TMEFF2: variants seen among roughly 807,000 people sequenced by gnomAD.
TMEFF2 encodes transmembrane protein with EGF like and two follistatin like domains 2.
Under a neutral mutation model 53.8 loss-of-function variants are expected in TMEFF2, and 28 were observed. The observed-to-expected ratio is 0.52, with a 90% CI of 0.39 to 0.71. TMEFF2 has a LOEUF of 0.71. TMEFF2 is among the 30% of genes least tolerant of loss of function. TMEFF2 has a pLI of 0.00. For synonymous variants in TMEFF2, 162 were observed against 166.3 expected (o/e 0.97, Z 0.20); for missense variants, 353 against 455.2 (o/e 0.78, Z 2.04).
At chr2:192,053,518 T>G (rs1687823821) in intron 5 of TMEFF2, among the ~76,000 whole-genome samples, 1 of 152,244 alleles carries the variant, frequency 6.6e-6, no homozygotes, top group Non-Finnish European at 1.5e-5. Context: ...GAACATTATT[T>G]CACGTCAGCA....
At chr2:192,025,276 G>A (rs1364490592) in intron 5 of TMEFF2, among the ~76,000 whole-genome samples, 1 of 152,020 alleles carries the variant, frequency 6.6e-6, no homozygotes, top group Non-Finnish European at 1.5e-5. Context: ...ATTATTGATC[G>A]GGGATGATGA....
intron 4 of TMEFF2, among the ~76,000 whole-genome samples, chr2:192,068,747 C>G (rs758367379): frequency 2.6e-5 from 4 of 151,782 alleles, no homozygotes; most frequent in Non-Finnish European, 5.9e-5. Context: ...CCATCTAAGT[C>G]TAACTTCTAA....
intron 5 of TMEFF2, among the ~76,000 whole-genome samples, chr2:192,015,308 CTT>C (rs34696715): frequency 8.8e-4 from 67 of 76,262 alleles, no homozygotes; most frequent in African/African-American, 3.5e-3. Context: ...ATCACTGAAG[CTT>C]TTTTTTTTTT....
At chr2:192,144,827 A>G (rs1445099314) in intron 4 of TMEFF2, among the ~76,000 whole-genome samples, 1 of 152,016 alleles carries the variant, frequency 6.6e-6, no homozygotes, top group Non-Finnish European at 1.5e-5. Context: ...TAGTGGGATC[A>G]TATCTAACTT....
rs1335905510 is a variant in TMEFF2, at chr2:192,057,793, A to G, written c.440-18T>C. On this transcript the variant is annotated intron_variant, in intron 4 of 9. Coordinates refer to ENST00000272771, the MANE Select transcript of TMEFF2 (RefSeq NM_016192.4). The stretch of plus-strand genomic sequence containing the variant: ...TTCATGGACTGTAGGACAGAAAAAC[A>G]GTAAAAGGAATTCAGGTAATTGTGC... 1 of 1,587,980 alleles carries G rather than the reference A, an allele frequency of 6.3e-7. No individual in the cohort carries two copies. The highest frequency in any genetic ancestry group is 8.6e-7 in the Non-Finnish European group (1 of 1,156,488).
At chr2:191,966,777 G>T (rs1460824128) in intron 7 of TMEFF2, among the ~76,000 whole-genome samples, 3 of 152,104 alleles carry the variant, frequency 2.0e-5, no homozygotes, top group African/African-American at 7.2e-5. Context: ...TATGGTAATA[G>T]ATGCTAAACA....
chr2:192,117,318 C>T (rs80230141), intron 4 of TMEFF2, among the ~76,000 whole-genome samples: 9,651 of 152,078 alleles, frequency 0.063, 870 homozygotes, highest in East Asian at 0.47. Context: ...TATTTAATAT[C>T]ATACTGGTAT....
At chr2:191,971,087 C>T (rs754141954) in intron 7 of TMEFF2, among the ~76,000 whole-genome samples, 6 of 152,074 alleles carry the variant, frequency 3.9e-5, no homozygotes, top group African/African-American at 7.2e-5. Context: ...AATTTCTAGT[C>T]AGTGATAACT....
At chr2:192,099,781 G>A (rs1253603023) in intron 4 of TMEFF2, among the ~76,000 whole-genome samples, 3 of 148,760 alleles carry the variant, frequency 2.0e-5, no homozygotes, top group Non-Finnish European at 4.4e-5. Flanking sequence ...TGATGGGATT[G>A]CTTTTTTTTT....
At chr2:192,156,506 A>C (rs2106006204) in intron 4 of TMEFF2, among the ~76,000 whole-genome samples, 3 of 151,478 alleles carry the variant, frequency 2.0e-5, no homozygotes, top group Middle Eastern at 6.8e-3. Context: ...TACAACAACC[A>C]CTCCACAATG....
intron 4 of TMEFF2, among the ~76,000 whole-genome samples, chr2:192,176,576 G>GT (rs1226944228): frequency 2.0e-5 from 3 of 151,288 alleles, no homozygotes; most frequent in Non-Finnish European, 4.4e-5. Flanking sequence ...TCTCAATACA[G>GT]TTAACTGTTT....
At chr2:192,030,698 C>G (rs1192414072) in intron 5 of TMEFF2, 1 of 151,958 alleles carries the variant, frequency 6.6e-6, no homozygotes, top group Non-Finnish European at 1.5e-5. Context: ...TTAAGATAGT[C>G]AAGTTAAAGG....
intron 4 of TMEFF2, among the ~76,000 whole-genome samples, chr2:192,096,825 C>T (rs568672664): frequency 6.6e-6 from 1 of 151,660 alleles, no homozygotes; most frequent in Admixed American, 6.6e-5. Context: ...TACAGGCATC[C>T]ACCACCAGGC....
At chr2:191,959,160 T>C (rs1692194246) in intron 7 of TMEFF2, among the ~76,000 whole-genome samples, 1 of 152,208 alleles carries the variant, frequency 6.6e-6, no homozygotes, top group Admixed American at 6.5e-5. Context: ...GACATTGATT[T>C]CTCTGTCCTC....
At chr2:192,119,101 T>C (rs1689484668) in intron 4 of TMEFF2, among the ~76,000 whole-genome samples, 1 of 152,184 alleles carries the variant, frequency 6.6e-6, no homozygotes, top group Non-Finnish European at 1.5e-5. Context: ...AATGAATAAA[T>C]ATTTTAGGCT....
chr2:192,005,343 C>G (rs1032130668), intron 5 of TMEFF2, among the ~76,000 whole-genome samples: 3 of 152,184 alleles, frequency 2.0e-5, no homozygotes, highest in Non-Finnish European at 2.9e-5. Flanking sequence ...GGATGATCTG[C>G]AATGAGTTAA....
At chr2:192,167,726 G>A (rs746525871) in intron 4 of TMEFF2, among the ~76,000 whole-genome samples, 1 of 152,274 alleles carries the variant, frequency 6.6e-6, no homozygotes, top group East Asian at 1.9e-4. Context: ...GAGGACAGGG[G>A]TAGGAGATCT....
intron 7 of TMEFF2, among the ~76,000 whole-genome samples, chr2:191,983,047 C>T (rs1428057472): frequency 2.0e-5 from 3 of 152,076 alleles, no homozygotes; most frequent in African/African-American, 4.8e-5. Context: ...GAACTCTGGC[C>T]TCCAGTAGGA....
In TMEFF2 at chr2:192,194,861, C is replaced by G; in HGVS notation, c.-337G>C. 3.3e-6 allele frequency: 1 copy of G among 303,836 alleles called. No individual in the cohort carries two copies. Among genetic ancestry groups the G allele is most frequent in the Non-Finnish European group, 6.3e-6 (1 of 159,980 alleles). The allele number at this position is 303,836 out of a possible 1,614,324, so 18.8% of individuals were successfully genotyped here. A position where few individuals can be genotyped will look rare whatever the true frequency, so the allele number is the denominator to read the frequency against. ...GGCAGACGAGTGGAGCCCGAGGAGG[C>G]AGGGTGGAGGGAGAGTCAAGGCGCC... On this transcript the variant is annotated 5_prime_UTR_variant, in exon 1 of 10. Coordinates refer to ENST00000272771, the MANE Select transcript of TMEFF2 (RefSeq NM_016192.4). The surrounding 1 kb of genome is among the most constrained non-coding windows in gnomAD (Gnocchi z 4.2).
Sources: allele counts gnomAD v4.1 joint callset (sites outside exome capture counted in the v4.1 genomes callset), GRCh38; gene constraint gnomAD v4.1.1; non-coding constraint Gnocchi (gnomAD v3.1); transcripts MANE v1.5; gene names NCBI Gene and HGNC (gene_info 2026-07-23, HGNC 2026-07-21).